Variants in VAV3 observed in about 807,000 individuals in gnomAD.
VAV3 encodes the protein guanine nucleotide exchange factor VAV3.
A neutral mutation model predicts 131.2 loss-of-function variants in VAV3; 94 were observed. The observed-to-expected ratio is 0.72, with a 90% CI of 0.61 to 0.85. The LOEUF (loss-of-function observed/expected upper bound fraction) is 0.85. Ranked by LOEUF, VAV3 falls within the 40% of genes least tolerant of loss-of-function variation. The pLI is 0.00. For synonymous variants in VAV3, 349 were observed against 342.0 expected (o/e 1.02, Z -0.22); for missense variants, 939 against 1,002.7 (o/e 0.94, Z 0.86).
At chr1:107,758,123 A>G (rs753102258) in intron 10 of VAV3, among the ~76,000 whole-genome samples, 2 of 152,152 alleles carry the variant, frequency 1.3e-5, no homozygotes, top group African/African-American at 2.4e-5. Context: ...CACTTCCATC[A>G]GTGTCATCAC....
intron 15 of VAV3, among the ~76,000 whole-genome samples, chr1:107,737,345 A>T (rs1570864498): frequency 1.3e-5 from 2 of 152,242 alleles, no homozygotes; most frequent in African/African-American, 4.8e-5. Flanking sequence ...AAAAGCCAAA[A>T]TTGACAAATG....
chr1:107,681,784 G>A (rs11185161), intron 19 of VAV3, among the ~76,000 whole-genome samples: 24,976 of 151,384 alleles, frequency 0.16, 2,254 homozygotes, highest in Middle Eastern at 0.26. Context: ...CTCCCAAGTA[G>A]CTGGGACTAC....
chr1:107,596,373 T>C, intron 24 of VAV3, 32 bp from the exon 25 acceptor site: 1 of 1,609,328 alleles, frequency 6.2e-7, no homozygotes, highest in South Asian at 1.1e-5. Context: ...ATATTTTTGA[T>C]AAGGATACTT....
chr1:107,799,716 C>T (rs1428251333), intron 2 of VAV3, among the ~76,000 whole-genome samples: 2 of 152,176 alleles, frequency 1.3e-5, no homozygotes, highest in East Asian at 3.8e-4. Context: ...TTATTCTCTT[C>T]CAGCCATCTT....
chr1:107,807,226 C>T (rs533181979), intron 2 of VAV3, among the ~76,000 whole-genome samples: 3 of 152,226 alleles, frequency 2.0e-5, no homozygotes, highest in Admixed American at 6.5e-5. Flanking sequence ...ACCCTTTCCT[C>T]GTGTTCCTTT....
chr1:107,952,166 G>A (rs1234983297), intron 1 of VAV3, among the ~76,000 whole-genome samples: 1 of 152,022 alleles, frequency 6.6e-6, no homozygotes, highest in Non-Finnish European at 1.5e-5. Flanking sequence ...GCAGAGACAT[G>A]GATAGCGCTG....
intron 1 of VAV3, among the ~76,000 whole-genome samples, chr1:107,924,403 A>AC (rs959110583): frequency 6.6e-6 from 1 of 152,054 alleles, no homozygotes; most frequent in African/African-American, 2.4e-5. Context: ...AAAAAAAAAA[A>AC]AAACCCTGTA....
intron 15 of VAV3, among the ~76,000 whole-genome samples, 173 bp from the exon 16 acceptor site, chr1:107,705,234 T>C (rs895184085): frequency 2.0e-5 from 3 of 152,050 alleles, no homozygotes; most frequent in African/African-American, 7.2e-5. Flanking sequence ...CATTCAAATA[T>C]GTACCAGAAT....
intron 19 of VAV3, among the ~76,000 whole-genome samples, chr1:107,681,398 G>T (rs1451123608): frequency 6.6e-6 from 1 of 152,106 alleles, no homozygotes; most frequent in South Asian, 2.1e-4. Context: ...ATCAAGGCAC[G>T]CTGGTCATCA....
Position 107,736,892 on chromosome 1 carries a change from G to A in VAV3, c.1502+12076C>T, listed in dbSNP as rs183370989. Among the ~76,000 whole-genome samples, 330 of 152,266 alleles carry A rather than the reference G, an allele frequency of 2.2e-3. 1 individual carries two copies. The highest frequency in any genetic ancestry group is 7.6e-3 in the African/African-American group (314 of 41,550). ...ATGGAAACAAAAAAGAGCCCGCATT[G>A]CCAAGACAATCCTAAACAAAAAGAA... On this transcript the variant is annotated intron_variant, in intron 15 of 26. Transcript: ENST00000370056.
intron 12 of VAV3, among the ~76,000 whole-genome samples, chr1:107,754,318 T>C (rs1170730654): frequency 6.6e-6 from 1 of 152,220 alleles, no homozygotes; most frequent in Non-Finnish European, 1.5e-5. Flanking sequence ...CTACTGTGAC[T>C]GGAAAACTGG....
intron 1 of VAV3, among the ~76,000 whole-genome samples, chr1:107,896,429 C>T (rs956554132): frequency 1.3e-5 from 2 of 152,020 alleles, no homozygotes; most frequent in African/African-American, 4.8e-5. Flanking sequence ...ATCTAAAATG[C>T]CACGTACATT....
At chr1:107,702,296 C>T (rs753803201) in intron 17 of VAV3, among the ~76,000 whole-genome samples, 3 of 152,126 alleles carry the variant, frequency 2.0e-5, no homozygotes, top group Non-Finnish European at 2.9e-5. Context: ...ATGAGAACAG[C>T]GTGGAGGAAA....
At chr1:107,747,217 T>A (rs1351769938) in intron 15 of VAV3, among the ~76,000 whole-genome samples, 1 of 152,214 alleles carries the variant, frequency 6.6e-6, no homozygotes, top group African/African-American at 2.4e-5. Flanking sequence ...CTGTTTGTTT[T>A]ATGGCAACTG....
At chr1:107,700,605 G>A (rs1225564025) in intron 17 of VAV3, among the ~76,000 whole-genome samples, 8 of 152,206 alleles carry the variant, frequency 5.3e-5, no homozygotes, top group Non-Finnish European at 1.0e-4. Flanking sequence ...TTCCAGCTCC[G>A]TCCATGTCCC....
intron 1 of VAV3, among the ~76,000 whole-genome samples, chr1:107,896,909 C>CA (rs1232116003): frequency 1.3e-5 from 2 of 151,850 alleles, no homozygotes; most frequent in East Asian, 1.9e-4. Flanking sequence ...ATCAGATCTT[C>CA]AAAAAAAGCC....
intron 2 of VAV3, among the ~76,000 whole-genome samples, chr1:107,842,047 C>G (rs1035509166): frequency 5.3e-5 from 8 of 152,070 alleles, no homozygotes; most frequent in Non-Finnish European, 1.0e-4. Flanking sequence ...TTTTTCTATA[C>G]TACCATTGCT....
chr1:107,915,395 G>A (rs1458668421), intron 1 of VAV3, among the ~76,000 whole-genome samples: 1 of 152,194 alleles, frequency 6.6e-6, no homozygotes, highest in South Asian at 2.1e-4. Context: ...GATAAACCAG[G>A]TGCAAGTTAT....
chr1:107,750,786 A>G (rs1163058287), intron 13 of VAV3, among the ~76,000 whole-genome samples: 2 of 152,190 alleles, frequency 1.3e-5, no homozygotes, highest in Non-Finnish European at 2.9e-5. Context: ...ATTTTTGGTT[A>G]TTTAAAAATA....
Sources: gnomAD v4.1 joint callset for allele counts (sites outside exome capture counted in the v4.1 genomes callset) on GRCh38, gnomAD v4.1.1 for gene constraint, MANE v1.5 for transcripts, NCBI Gene and HGNC (gene_info 2026-07-23, HGNC 2026-07-21) for gene names.